The following ATRNL1 variants were observed in gnomAD, a reference collection of about 807,000 sequenced individuals.
ATRNL1 encodes attractin-like protein 1.
ATRNL1 carries 95 observed loss-of-function variants against 182.7 expected under a neutral mutation model. That is an observed-to-expected ratio of 0.52 (90% CI 0.44 to 0.62). The LOEUF (loss-of-function observed/expected upper bound fraction) is 0.62, where lower values mean the gene tolerates loss of function less well. ATRNL1 is among the 20% of genes least tolerant of loss of function. ATRNL1 has a pLI of 0.00. For missense variants in ATRNL1, 1,471 were observed against 1,679.5 expected, an observed-to-expected ratio of 0.88 and a Z score of 2.17; for synonymous variants, 576 against 568.3, an observed-to-expected ratio of 1.01 and a Z score of -0.19.
intron 26 of ATRNL1, among the ~76,000 whole-genome samples, chr10:115,695,989 C>T (rs181416621): frequency 6.6e-5 from 10 of 152,032 alleles, no homozygotes; most frequent in African/African-American, 2.2e-4. Flanking sequence ...AGCTCCACCT[C>T]CCAGGTTCAC....
At chr10:115,116,117 C>T (rs1424068708) in intron 1 of ATRNL1, among the ~76,000 whole-genome samples, 1 of 152,024 alleles carries the variant, frequency 6.6e-6, no homozygotes, top group African/African-American at 2.4e-5. Flanking sequence ...TCAACTCTGT[C>T]CTCGTAGTGT....
intron 9 of ATRNL1, among the ~76,000 whole-genome samples, chr10:115,224,113 T>G (rs1849601764): frequency 6.6e-6 from 1 of 150,982 alleles, no homozygotes; most frequent in Non-Finnish European, 1.5e-5. Flanking sequence ...TTTTTTGTAT[T>G]TTTAGTACAG....
chr10:115,925,250 G>T lies in ATRNL1; in HGVS notation c.4019-19408G>T, dbSNP rs546344517. Among the ~76,000 whole-genome samples the T allele has an allele frequency of 2.1e-4, 32 of 152,064 alleles. No individual in the cohort carries two copies. The South Asian group carries it at 5.8e-3, about 28-fold the overall frequency. The stretch of plus-strand genomic sequence containing the variant: ...TGAATACCCTTTATTTCTTTCTCTT[G>T]CCTGATTGCCCTGGCCAGAACTTCC... On this transcript the variant is annotated intron_variant, in intron 28 of 28. Transcript: ENST00000355044.
chr10:115,644,160 C>G (rs557006895), intron 26 of ATRNL1, among the ~76,000 whole-genome samples: 5 of 152,100 alleles, frequency 3.3e-5, no homozygotes, highest in Non-Finnish European at 7.4e-5. Flanking sequence ...GATACAACAG[C>G]GTGGATGAAT....
intron 26 of ATRNL1, among the ~76,000 whole-genome samples, chr10:115,662,687 A>G (rs1362616502): frequency 6.6e-6 from 1 of 152,174 alleles, no homozygotes; most frequent in Non-Finnish European, 1.5e-5. Flanking sequence ...TTCAAAATAC[A>G]TTTTAAAAAT....
intron 18 of ATRNL1, among the ~76,000 whole-genome samples, chr10:115,331,421 T>A (rs1410110751): frequency 3.3e-5 from 5 of 152,212 alleles, no homozygotes; most frequent in African/African-American, 7.2e-5. Flanking sequence ...TTTGATTTTT[T>A]AAATTATTTC....
intron 27 of ATRNL1, among the ~76,000 whole-genome samples, chr10:115,766,207 A>C (rs1210101662): frequency 6.6e-6 from 1 of 152,210 alleles, no homozygotes; most frequent in Non-Finnish European, 1.5e-5. Context: ...AAAATCATAG[A>C]AGTCAAATTG....
intron 27 of ATRNL1, among the ~76,000 whole-genome samples, chr10:115,751,102 A>T (rs1174650392): frequency 1.3e-5 from 2 of 152,174 alleles, no homozygotes; most frequent in African/African-American, 4.8e-5. Context: ...GTAATCACAA[A>T]GGTCCTTACC....
intron 26 of ATRNL1, among the ~76,000 whole-genome samples, chr10:115,595,268 CT>C (rs1284249256): frequency 1.3e-5 from 2 of 151,652 alleles, no homozygotes; most frequent in Non-Finnish European, 2.9e-5. Flanking sequence ...TTTCTTACTT[CT>C]TTTTAGCTTT....
chr10:115,699,915 C>A (rs1946679307), intron 26 of ATRNL1, among the ~76,000 whole-genome samples: 1 of 152,062 alleles, frequency 6.6e-6, no homozygotes, highest in Non-Finnish European at 1.5e-5. Context: ...GTTTAACTCC[C>A]ACTTTTAAAT....
At chr10:115,325,780 G>T (rs1554932985) in intron 18 of ATRNL1, among the ~76,000 whole-genome samples, 1 of 151,950 alleles carries the variant, frequency 6.6e-6, no homozygotes, top group African/African-American at 2.4e-5. Context: ...TGTTCATGTA[G>T]GTCACCATAA....
At chr10:115,476,039 C>G (rs1373362563) in intron 24 of ATRNL1, among the ~76,000 whole-genome samples, 4 of 151,034 alleles carry the variant, frequency 2.6e-5, no homozygotes, top group Non-Finnish European at 4.4e-5. Flanking sequence ...TTTCTTTTTT[C>G]TGATATATAC....
intron 9 of ATRNL1, among the ~76,000 whole-genome samples, chr10:115,223,929 A>ATTTT (rs1223695295): frequency 8.0e-4 from 36 of 44,734 alleles, no homozygotes; most frequent in African/African-American, 1.2e-3. Flanking sequence ...ATATATATAT[A>ATTTT]TTTTTTTTTT....
At chr10:115,659,095 A>G (rs1462473909) in intron 26 of ATRNL1, among the ~76,000 whole-genome samples, 2 of 152,108 alleles carry the variant, frequency 1.3e-5, no homozygotes, top group Non-Finnish European at 2.9e-5. Flanking sequence ...GATTATGGGA[A>G]CTACAGTTCA....
rs782157017 is a variant in ATRNL1 at position 115,442,303 on chromosome 10, C to CTCTCTCTCTCTCTCTGTGTG, written c.3322+16002_3322+16003insCTCTCTCTCTCTCTGTGTGT. Among the ~76,000 whole-genome samples, 258 of 123,810 alleles carry CTCTCTCTCTCTCTCTGTGTG rather than the reference C, an allele frequency of 2.1e-3. 2 individuals are homozygous for CTCTCTCTCTCTCTCTGTGTG. Among genetic ancestry groups the CTCTCTCTCTCTCTCTGTGTG allele is most frequent in the African/African-American group, 5.3e-3 (170 of 32,170 alleles). 81.2% of individuals were successfully genotyped at this position (123,810 alleles called of 152,430 possible). On this transcript the variant is annotated intron_variant, in intron 21 of 28. Transcript: ENST00000355044. ...TCTCTCTCTCTCTCTCTCTCTCTCT[C>CTCTCTCTCTCTCTCTGTGTG]TGTGTGTATGTGTGTGTGTAAACAA...
chr10:115,193,184 A>G (rs575213942), intron 8 of ATRNL1, among the ~76,000 whole-genome samples: 1 of 152,148 alleles, frequency 6.6e-6, no homozygotes, highest in South Asian at 2.1e-4. Context: ...ATTTATTATG[A>G]TACTAGCTGT....
In ATRNL1 at chr10:115,806,398, T is replaced by C. The variant is rs955696800; in HGVS notation, c.3904-41479T>C. ...TTAATTACTATAGGATGTGAGGCAGTTCCAGTGCTGCTTTTTCTATTAACT... is the reference window on the plus strand; with the variant it reads ...TTAATTACTATAGGATGTGAGGCAGCTCCAGTGCTGCTTTTTCTATTAACT... On this transcript the variant is annotated intron_variant, in intron 27 of 28. Transcript: ENST00000355044. Among the ~76,000 whole-genome samples, 3 of 152,156 alleles carry C rather than the reference T, an allele frequency of 2.0e-5. No homozygotes were observed. The East Asian group carries it at 5.8e-4, about 29-fold the overall frequency.
chr10:115,188,680 A>AT (rs782801817), intron 8 of ATRNL1, among the ~76,000 whole-genome samples: 14 of 151,876 alleles, frequency 9.2e-5, no homozygotes, highest in South Asian at 2.1e-4. Flanking sequence ...TCAGAAAGGT[A>AT]TTTTTTTAAT....
chr10:115,673,263 A>T (rs1945755320), intron 26 of ATRNL1, among the ~76,000 whole-genome samples: 1 of 152,118 alleles, frequency 6.6e-6, no homozygotes, highest in African/African-American at 2.4e-5. Flanking sequence ...AAAATAAGAA[A>T]TCTGCAAAAG....
Sources: gnomAD v4.1 joint callset for allele counts (sites outside exome capture counted in the v4.1 genomes callset) on GRCh38, gnomAD v4.1.1 for gene constraint, MANE v1.5 for transcripts, NCBI Gene and HGNC (gene_info 2026-07-23, HGNC 2026-07-21) for gene names.